Variants in TAOK1 observed in about 807,000 individuals in gnomAD.
TAOK1 encodes serine/threonine-protein kinase TAO1.
In TAOK1, 21 loss-of-function variants were observed where a neutral mutation model predicts 138.3. The ratio of observed to expected loss-of-function variants is 0.15; its 90% confidence interval spans 0.11 to 0.22. The LOEUF is 0.22. Ranked by LOEUF, TAOK1 falls within the 10% of genes least tolerant of loss-of-function variation. TAOK1 has a pLI of 1.00. For missense variants in TAOK1, 651 were observed against 1,227.7 expected (o/e 0.53, Z 7.02); for synonymous variants, 361 against 398.4 (o/e 0.91, Z 1.12).
rs561905189 is a variant in TAOK1, at chr17:29,446,673, A to G, written c.-94-4782A>G. 3.3e-5 allele frequency among the ~76,000 whole-genome samples: 5 copies of G among 152,214 alleles called. No individual in the cohort carries two copies. The East Asian group carries it at 9.6e-4, about 29-fold the overall frequency. ...TCATGCACCATGTAACGATGTTTTC[A>G]GTCAACAGTGGACCACGTACAACCA... On this transcript the variant is annotated intron_variant, in intron 1 of 19. Coordinates refer to ENST00000261716, the MANE Select transcript of TAOK1 (RefSeq NM_020791.4).
intron 2 of TAOK1, among the ~76,000 whole-genome samples, chr17:29,458,246 C>T (rs1019142444): frequency 2.0e-5 from 3 of 152,164 alleles, no homozygotes; most frequent in African/African-American, 4.8e-5. Context: ...AATTCATGCA[C>T]AGTTATTTTT....
At chr17:29,524,482 A>C (rs563705125) in intron 17 of TAOK1, among the ~76,000 whole-genome samples, 85 of 152,342 alleles carry the variant, frequency 5.6e-4, no homozygotes, top group South Asian at 2.5e-3. Context: ...CGATTCTCTC[A>C]GATAGTACGT....
intron 1 of TAOK1, among the ~76,000 whole-genome samples, chr17:29,411,160 C>T (rs1176965458): frequency 7.6e-6 from 1 of 132,128 alleles, no homozygotes; most frequent in Non-Finnish European, 1.6e-5. Flanking sequence ...GGCGGGATCT[C>T]GGCTCACTGC....
intron 2 of TAOK1, among the ~76,000 whole-genome samples, chr17:29,457,865 C>G (rs904611699): frequency 3.3e-5 from 5 of 151,902 alleles, no homozygotes; most frequent in Non-Finnish European, 5.9e-5. Context: ...AATCTCAGCA[C>G]TTTGGGAGGC....
intron 17 of TAOK1, 146 bp downstream of exon 17, chr17:29,522,665 T>A: frequency 7.9e-7 from 1 of 1,267,426 alleles, no homozygotes; most frequent in Non-Finnish European, 1.1e-6. Context: ...ACTTTAATGT[T>A]AAATGCCTGT....
intron 6 of TAOK1, 85 bp downstream of exon 6, chr17:29,478,432 A>G: frequency 1.0e-6 from 1 of 980,330 alleles, no homozygotes; most frequent in Non-Finnish European, 1.5e-6. Context: ...TAAAGTTTTT[A>G]TTGGTTAAAG....
chr17:29,532,964 G>A (rs1221222561), intron 18 of TAOK1, among the ~76,000 whole-genome samples: 2 of 135,436 alleles, frequency 1.5e-5, no homozygotes, highest in Non-Finnish European at 1.6e-5. Flanking sequence ...CCTCCCGGAC[G>A]GGGCGGGTGG....
intron 19 of TAOK1, among the ~76,000 whole-genome samples, chr17:29,539,365 GAA>G (rs2032277428): frequency 6.6e-6 from 1 of 152,192 alleles, no homozygotes; most frequent in South Asian, 2.1e-4. Context: ...GCAACATGGT[GAA>G]ACCTCCTCTC....
In TAOK1 at chr17:29,390,376, G is replaced by C. The variant is rs1904372696; in HGVS notation, c.-743G>C. The C allele has an allele frequency of 6.6e-6, 1 of 152,402 alleles. No individual in the cohort carries two copies. Among genetic ancestry groups the C allele is most frequent in the South Asian group, 2.1e-4 (1 of 4,858 alleles). 9.4% of individuals were successfully genotyped at this position (152,402 alleles called of 1,614,324 possible). On this transcript the variant is annotated 5_prime_UTR_variant, in exon 1 of 20. Coordinates refer to ENST00000261716, the MANE Select transcript of TAOK1 (RefSeq NM_020791.4). ...GGGGGGGAAGCTGGGCAGCGGCCGG[G>C]CTCTGTGGCTTCAGGGCTCGGGGAG...
chr17:29,541,400 G>A (rs973403907), intron 19 of TAOK1, among the ~76,000 whole-genome samples: 24 of 150,572 alleles, frequency 1.6e-4, no homozygotes, highest in African/African-American at 5.1e-4. Flanking sequence ...GTGATCCACC[G>A]CGCCCGGCCT....
intron 1 of TAOK1, among the ~76,000 whole-genome samples, chr17:29,405,141 A>G (rs6505125): frequency 0.62 from 94,321 of 151,846 alleles, 30,516 homozygotes; most frequent in East Asian, 0.97. Context: ...CACCAGGCCC[A>G]GCTTATTTTT....
intron 1 of TAOK1, among the ~76,000 whole-genome samples, chr17:29,410,030 G>A (rs1905099952): frequency 6.6e-6 from 1 of 152,060 alleles, no homozygotes. Flanking sequence ...TCTTATTATT[G>A]TTGCTATTTT....
intron 17 of TAOK1, among the ~76,000 whole-genome samples, chr17:29,526,027 C>G (rs1156551984): frequency 6.6e-6 from 1 of 152,166 alleles, no homozygotes; most frequent in East Asian, 1.9e-4. Context: ...GGCGTGGTGG[C>G]TCATACCTGT....
Position 29,507,291 on chromosome 17 carries a change from G to A in TAOK1, c.1339-605G>A, listed in dbSNP as rs537419544. Among the ~76,000 whole-genome samples the A allele has an allele frequency of 2.8e-5, 4 of 144,204 alleles. No individual in the cohort carries two copies. In the East Asian group the frequency reaches 8.1e-4, roughly 29 times the overall value. 94.6% of individuals were successfully genotyped at this position (144,204 alleles called of 152,430 possible). A position where few individuals can be genotyped will look rare whatever the true frequency, so the allele number is the denominator to read the frequency against. On this transcript the variant is annotated intron_variant, in intron 13 of 19. Transcript: ENST00000261716. ...TTTTTTGTTTTTTTTTTTCTTTGTA[G>A]TCAGTGTTTTTTGTGTCCTGCCCAA...
intron 2 of TAOK1, among the ~76,000 whole-genome samples, chr17:29,461,586 A>G (rs1305599157): frequency 3.3e-5 from 5 of 152,150 alleles, no homozygotes; most frequent in Non-Finnish European, 7.3e-5. Flanking sequence ...AATATGCAAC[A>G]TAGATTGTAT....
chr17:29,498,608 T>C, intron 12 of TAOK1, 87 bp downstream of exon 12: 1 of 1,495,142 alleles, frequency 6.7e-7, no homozygotes. Flanking sequence ...AGAAGGAAGA[T>C]AAGGAAGTTT....
intron 18 of TAOK1, among the ~76,000 whole-genome samples, chr17:29,533,186 T>G (rs1233342558): frequency 7.6e-6 from 1 of 131,702 alleles, no homozygotes; most frequent in African/African-American, 2.9e-5. Context: ...GCAGAGGCGC[T>G]CCTCACATCC....
At chr17:29,408,414 C>T (rs1905054561) in intron 1 of TAOK1, among the ~76,000 whole-genome samples, 1 of 151,612 alleles carries the variant, frequency 6.6e-6, no homozygotes, top group African/African-American at 2.4e-5. Flanking sequence ...TGGGGTTTCG[C>T]CGTGTTGCCC....
chr17:29,394,759 T>C (rs1194169372), intron 1 of TAOK1, among the ~76,000 whole-genome samples: 2 of 152,228 alleles, frequency 1.3e-5, no homozygotes, highest in Non-Finnish European at 2.9e-5. Context: ...TGAGGGTTGC[T>C]GTTTGGATGA....
Sources: gnomAD v4.1 joint callset for allele counts (sites outside exome capture counted in the v4.1 genomes callset) on GRCh38, gnomAD v4.1.1 for gene constraint, MANE v1.5 for transcripts, NCBI Gene and HGNC (gene_info 2026-07-23, HGNC 2026-07-21) for gene names.